Variants in SLC71A2 observed in about 807,000 individuals in gnomAD.
SLC71A2 encodes hippocampus abundant transcript-like 1.
the SLC71A2 span, among the ~76,000 whole-genome samples, chr9:94,436,728 G>A: frequency 6.6e-6 from 1 of 151,962 alleles, no homozygotes; most frequent in Middle Eastern, 3.4e-3. Flanking sequence ...TGCTGTCCTG[G>A]GTTAATCAGT....
the SLC71A2 span, among the ~76,000 whole-genome samples, chr9:94,382,493 A>G: frequency 1.3e-5 from 2 of 151,840 alleles, no homozygotes; most frequent in Non-Finnish European, 2.9e-5. Context: ...TTGCAAATAC[A>G]TTCTCTCTAG....
At chr9:94,448,363 AC>A in the SLC71A2 span, among the ~76,000 whole-genome samples, 10,586 of 152,162 alleles carry the variant, frequency 0.07, 559 homozygotes, top group African/African-American at 0.15. Flanking sequence ...AAAAAAGAAA[AC>A]CAAAAACTTC....
At chr9:94,407,544 A>G in the SLC71A2 span, among the ~76,000 whole-genome samples, 1 of 152,002 alleles carries the variant, frequency 6.6e-6, no homozygotes, top group Non-Finnish European at 1.5e-5. Flanking sequence ...ACGCCCGGCT[A>G]ATTTTTGTAT....
chr9:94,407,613 G>A, the SLC71A2 span, among the ~76,000 whole-genome samples: 2 of 152,080 alleles, frequency 1.3e-5, no homozygotes, highest in Admixed American at 1.3e-4. Flanking sequence ...TCTTGACCTT[G>A]TGATCCACCC....
the SLC71A2 span, among the ~76,000 whole-genome samples, chr9:94,436,586 T>C: frequency 1.3e-5 from 2 of 152,162 alleles, no homozygotes; most frequent in African/African-American, 2.4e-5. Context: ...TATTAAACTT[T>C]CCCCTCCTTC....
At chr9:94,432,958 A>G in the SLC71A2 span, 34 of 392,186 alleles carry the variant, frequency 8.7e-5, no homozygotes, top group South Asian at 7.1e-4. Flanking sequence ...GAATCCGGAT[A>G]CCTTGTAAGA....
chr9:94,420,635 T>C, the SLC71A2 span, among the ~76,000 whole-genome samples: 2 of 151,520 alleles, frequency 1.3e-5, no homozygotes, highest in South Asian at 4.2e-4. Context: ...GCGTGGTGGC[T>C]CATGCCTGTA....
At chr9:94,446,751 C>A in the SLC71A2 span, 2 of 745,130 alleles carry the variant, frequency 2.7e-6, no homozygotes, top group South Asian at 1.7e-5. Context: ...AATAATGAAG[C>A]TGATGTCCCA....
At chr9:94,389,292 G>C in the SLC71A2 span, among the ~76,000 whole-genome samples, 3 of 151,166 alleles carry the variant, frequency 2.0e-5, no homozygotes, top group South Asian at 2.1e-4. Context: ...TTGAGACAGA[G>C]TCTCACTCTG....
chr9:94,382,721 A>G, the SLC71A2 span, among the ~76,000 whole-genome samples: 1 of 151,766 alleles, frequency 6.6e-6, no homozygotes, highest in African/African-American at 2.4e-5. Context: ...GTGTAGTGGC[A>G]CAATCTCTGC....
the SLC71A2 span, among the ~76,000 whole-genome samples, chr9:94,441,764 C>T: frequency 6.6e-6 from 1 of 152,202 alleles, no homozygotes; most frequent in Admixed American, 6.5e-5. Context: ...ACTACATTCA[C>T]TCATTCATCA....
chr9:94,409,456 C>T, the SLC71A2 span, among the ~76,000 whole-genome samples: 21 of 151,856 alleles, frequency 1.4e-4, no homozygotes, highest in Admixed American at 3.9e-4. Flanking sequence ...CTGATTTTGT[C>T]GATTTTTCTG....
At chr9:94,417,906 G>C in the SLC71A2 span, among the ~76,000 whole-genome samples, 2 of 118,356 alleles carry the variant, frequency 1.7e-5, no homozygotes, top group Admixed American at 1.2e-4. Context: ...ACCCAGGCTA[G>C]AGTTCAGTGG....
the SLC71A2 span, among the ~76,000 whole-genome samples, chr9:94,401,305 G>T: frequency 0.019 from 2,836 of 152,142 alleles, 74 homozygotes; most frequent in African/African-American, 0.065. Flanking sequence ...CCAAGTAGCT[G>T]GGATTACAGG....
At chr9:94,382,859 G>A in the SLC71A2 span, among the ~76,000 whole-genome samples, 26 of 151,172 alleles carry the variant, frequency 1.7e-4, no homozygotes, top group African/African-American at 6.1e-4. Context: ...TGTATTTTTA[G>A]TAGAGTTGCA....
At chr9:94,407,951 T>TAAC in the SLC71A2 span, among the ~76,000 whole-genome samples, 1 of 152,184 alleles carries the variant, frequency 6.6e-6, no homozygotes, top group East Asian at 1.9e-4. Flanking sequence ...GCCCATCTGT[T>TAAC]AGTCAGTCAG....
chr9:94,455,002 A>G, the SLC71A2 span, among the ~76,000 whole-genome samples: 944 of 152,166 alleles, frequency 6.2e-3, 8 homozygotes, highest in African/African-American at 0.021. Context: ...TGCCTTCTCC[A>G]TTTTAGACGG....
the SLC71A2 span, among the ~76,000 whole-genome samples, chr9:94,447,764 G>T: frequency 6.6e-6 from 1 of 152,062 alleles, no homozygotes; most frequent in East Asian, 1.9e-4. Flanking sequence ...ATGATAACAT[G>T]TATCAACCCT....
the SLC71A2 span, among the ~76,000 whole-genome samples, chr9:94,421,072 A>G: frequency 6.8e-6 from 1 of 146,998 alleles, no homozygotes; most frequent in African/African-American, 2.5e-5. Flanking sequence ...CCTAAAAACT[A>G]GAAAATAGGA....
Sources: gnomAD v4.1 joint callset for allele counts (sites outside exome capture counted in the v4.1 genomes callset) on GRCh38, gnomAD v4.1.1 for gene constraint, MANE v1.5 for transcripts, NCBI Gene and HGNC (gene_info 2026-07-23, HGNC 2026-07-21) for gene names.